SHTN1: variants seen among roughly 807,000 people sequenced by gnomAD.
SHTN1 encodes the protein shootin-1.
SHTN1 carries 42 observed loss-of-function variants against 83.1 expected under a neutral mutation model. The observed-to-expected ratio is 0.51, with a 90% confidence interval of 0.39 to 0.65. The LOEUF (loss-of-function observed/expected upper bound fraction) is 0.65. Ranked by LOEUF, SHTN1 falls within the 30% of genes least tolerant of loss-of-function variation. The pLI, the probability that SHTN1 is intolerant of heterozygous loss-of-function variation, is 0.00. For synonymous variants in SHTN1, 224 were observed against 247.7 expected, an observed-to-expected ratio of 0.90 and a Z score of 0.90; for missense variants, 622 against 737.8, an observed-to-expected ratio of 0.84 and a Z score of 1.82.
At chr10:117,097,415 T>C (rs1258062833) in intron 1 of SHTN1, among the ~76,000 whole-genome samples, 2 of 152,266 alleles carry the variant, frequency 1.3e-5, no homozygotes, top group African/African-American at 4.8e-5. Flanking sequence ...TAATTCACTG[T>C]TCTACATGGC....
rs1030601092 is a variant in SHTN1 at position 117,077,837 on chromosome 10, T to C, written c.-188-29327A>G. Among the ~76,000 whole-genome samples, 7 of 152,302 alleles carry C rather than the reference T, an allele frequency of 4.6e-5. No individual in the cohort carries two copies. In the East Asian group the frequency reaches 1.4e-3, roughly 29 times the overall value. On this transcript the variant is annotated intron_variant, in intron 1 of 17. Coordinates refer to the SHTN1 transcript ENST00000392901. ...CATTTTTTATGGCTACATAGTGATT[T>C]AGATGGGCAAGCCTCCACTTTGGAT... is the stretch of plus-strand genomic sequence containing the variant.
chr10:116,968,832 C>G, intron 2 of SHTN1, 120 bp from the exon 3 acceptor site: 1 of 739,822 alleles, frequency 1.4e-6, no homozygotes, highest in Non-Finnish European at 2.2e-6. Flanking sequence ...AAATTTAAAA[C>G]CTTTGAAAAG....
intron 2 of SHTN1, among the ~76,000 whole-genome samples, chr10:117,020,697 A>G (rs1852248372): frequency 6.6e-6 from 1 of 152,124 alleles, no homozygotes; most frequent in Admixed American, 6.5e-5. Context: ...TATACAGGAA[A>G]AAGATATGAA....
intron 1 of SHTN1, among the ~76,000 whole-genome samples, chr10:117,102,931 C>T (rs1305844504): frequency 1.3e-5 from 2 of 152,178 alleles, no homozygotes; most frequent in East Asian, 1.9e-4. Flanking sequence ...AAGGCAAAGA[C>T]ACGAGTGCTC....
intron 4 of SHTN1, among the ~76,000 whole-genome samples, chr10:116,959,457 A>G (rs1354305970): frequency 6.6e-6 from 1 of 152,198 alleles, no homozygotes; most frequent in Non-Finnish European, 1.5e-5. Flanking sequence ...GAAAAGAAAC[A>G]CAACCAGTAT....
chr10:117,003,714 C>A (rs1322974763), intron 1 of SHTN1, among the ~76,000 whole-genome samples: 1 of 152,024 alleles, frequency 6.6e-6, no homozygotes, highest in African/African-American at 2.4e-5. Flanking sequence ...GTTCACAGAG[C>A]AGGTGAGCTG....
chr10:116,953,666 C>T (rs1178998187), intron 5 of SHTN1, among the ~76,000 whole-genome samples: 3 of 119,780 alleles, frequency 2.5e-5, no homozygotes, highest in East Asian at 2.7e-4. Flanking sequence ...CTCGCTCTGT[C>T]GCTCAGGCTG....
intron 1 of SHTN1, among the ~76,000 whole-genome samples, chr10:117,078,414 A>G (rs1011778610): frequency 1.3e-5 from 2 of 152,146 alleles, no homozygotes; most frequent in African/African-American, 4.8e-5. Context: ...GCTGGTGACT[A>G]ACAGCCTTTG....
chr10:117,079,129 C>T (rs2133609651), intron 1 of SHTN1, among the ~76,000 whole-genome samples: 1 of 151,558 alleles, frequency 6.6e-6, no homozygotes, highest in Non-Finnish European at 1.5e-5. Flanking sequence ...TGGTGTGCTG[C>T]ACCCACTAAC....
intron 15 of SHTN1, among the ~76,000 whole-genome samples, chr10:116,906,097 C>A (rs1241905394): frequency 6.6e-6 from 1 of 152,262 alleles, no homozygotes; most frequent in Non-Finnish European, 1.5e-5. Flanking sequence ...ATTTCTACTG[C>A]AACTACTAAA....
At chr10:117,017,540 C>T (rs1852198034) in intron 2 of SHTN1, among the ~76,000 whole-genome samples, 1 of 148,974 alleles carries the variant, frequency 6.7e-6, no homozygotes, top group Non-Finnish European at 1.5e-5. Flanking sequence ...TACAATCTAA[C>T]CAAAAGATTA....
rs1847087560 is a variant in SHTN1 at position 116,883,773 on chromosome 10, G to T, written c.*2571C>A. 6.3e-6 allele frequency: 1 copy of T among 159,214 alleles called. No individual in the cohort carries two copies. Among genetic ancestry groups the T allele is most frequent in the South Asian group, 1.7e-4 (1 of 5,826 alleles). 9.9% of individuals were successfully genotyped at this position (159,214 alleles called of 1,614,324 possible). On this transcript the variant is annotated 3_prime_UTR_variant, in exon 17 of 17. Transcript: ENST00000355371. ...CTCCGTACTCAGGGCAAACTATGCTGGGTGCTAATAGCCCTGTTGATGCCT... is the reference window on the plus strand; with the variant it reads ...CTCCGTACTCAGGGCAAACTATGCTTGGTGCTAATAGCCCTGTTGATGCCT...
chr10:116,969,842 T>G (rs564429258), intron 2 of SHTN1, among the ~76,000 whole-genome samples: 5 of 152,198 alleles, frequency 3.3e-5, no homozygotes, highest in Non-Finnish European at 5.9e-5. Flanking sequence ...CAGGGATATA[T>G]AACAAGATAT....
intron 12 of SHTN1, 120 bp from the exon 13 acceptor site, chr10:116,915,604 T>C (rs1009119185): frequency 1.6e-6 from 1 of 624,992 alleles, no homozygotes; most frequent in Non-Finnish European, 2.8e-6. Context: ...CATTCACAGT[T>C]GCAGAACACT....
At chr10:116,959,842 T>G (rs1266689979) in intron 4 of SHTN1, among the ~76,000 whole-genome samples, 1 of 152,166 alleles carries the variant, frequency 6.6e-6, no homozygotes, top group East Asian at 1.9e-4. Flanking sequence ...ATTTGCAAAG[T>G]CCCCTTTAAC....
chr10:117,054,248 A>G (rs980473237), intron 1 of SHTN1, among the ~76,000 whole-genome samples: 1 of 152,146 alleles, frequency 6.6e-6, no homozygotes, highest in African/African-American at 2.4e-5. Flanking sequence ...GTTAAAATAG[A>G]GATCATAAGA....
intron 2 of SHTN1, chr10:116,973,897 T>C: frequency 7.8e-7 from 1 of 1,285,540 alleles, no homozygotes; most frequent in Non-Finnish European, 1.0e-6. Flanking sequence ...GACCATCAAT[T>C]CATTTTTAAT....
At chr10:117,067,077 A>G (rs1853012318) in intron 1 of SHTN1, among the ~76,000 whole-genome samples, 1 of 152,236 alleles carries the variant, frequency 6.6e-6, no homozygotes, top group Non-Finnish European at 1.5e-5. Flanking sequence ...CATTCTGCCT[A>G]GAAGGGGCAA....
At chr10:116,944,848 G>A (rs1360587624) in intron 8 of SHTN1, 76 bp downstream of exon 8, 37 of 887,754 alleles carry the variant, frequency 4.2e-5, no homozygotes, top group South Asian at 5.5e-5. Context: ...CCGAGATTGC[G>A]CCACTGCACT....
Sources: gnomAD v4.1 joint callset for allele counts (sites outside exome capture counted in the v4.1 genomes callset) on GRCh38, gnomAD v4.1.1 for gene constraint, MANE v1.5 for transcripts, NCBI Gene and HGNC (gene_info 2026-07-23, HGNC 2026-07-21) for gene names.